The following CDCA5 variants were observed in gnomAD, a reference collection of about 807,000 sequenced individuals.
The protein encoded by CDCA5 is cell division cycle associated 5.
A neutral mutation model predicts 25.7 loss-of-function variants in CDCA5; 14 were observed. That is an observed-to-expected ratio of 0.54 (90% confidence interval 0.36 to 0.85). The LOEUF (loss-of-function observed/expected upper bound fraction) is 0.85. Among genes scored for constraint, CDCA5 ranks in the 40% least tolerant of loss-of-function variants. CDCA5 has a pLI of 0.01. For missense variants in CDCA5, 307 were observed against 324.5 expected, an observed-to-expected ratio of 0.95 and a Z score of 0.41; for synonymous variants, 127 against 128.7, an observed-to-expected ratio of 0.99 and a Z score of 0.09.
chr11:65,083,289 G>C (rs923985465), intron 4 of CDCA5, 75 bp downstream of exon 4: 1 of 1,556,606 alleles, frequency 6.4e-7, no homozygotes, highest in African/African-American at 1.4e-5. Context: ...GGGCAGATGT[G>C]AGGAGCCAAT....
At chr11:65,071,629 T>C (rs1215098215) in intron 1 of CDCA5, among the ~76,000 whole-genome samples, 1 of 152,190 alleles carries the variant, frequency 6.6e-6, no homozygotes, top group Non-Finnish European at 1.5e-5. Flanking sequence ...GTGTTGTTTA[T>C]CTAAGATTCA....
chr11:65,083,916 G>C lies in CDCA5; in HGVS notation c.46+17C>G. On this transcript the variant is annotated intron_variant, in intron 1 of 5. Transcript: ENST00000275517. Reference sequence around the variant, plus strand: ...CAAACGGCTCGACCTCACGTCTCCCGCGCGCCCTCCGCTCACCGGAGCGCT... The same window carrying C: ...CAAACGGCTCGACCTCACGTCTCCCCCGCGCCCTCCGCTCACCGGAGCGCT... 1 of 1,609,290 alleles carries C rather than the reference G, an allele frequency of 6.2e-7. No homozygotes were observed. The highest frequency in any genetic ancestry group is 8.5e-7 in the Non-Finnish European group (1 of 1,179,824).
At chr11:65,075,897 G>C (rs1348067841), downstream of CDCA5, among the ~76,000 whole-genome samples, 3 of 152,162 alleles carry the variant, frequency 2.0e-5, no homozygotes, top group Non-Finnish European at 4.4e-5. Context: ...GAAAAGCCAA[G>C]AAAAAGGAGC....
chr11:65,076,165 G>A (rs868068115), downstream of CDCA5, among the ~76,000 whole-genome samples: 10 of 152,186 alleles, frequency 6.6e-5, no homozygotes, highest in Admixed American at 3.9e-4. Context: ...GCCCAGACTG[G>A]AGTGCAATGG....
downstream of CDCA5, chr11:65,077,367 A>T (rs550035619): frequency 2.1e-5 from 15 of 717,618 alleles, 1 homozygote; most frequent in Middle Eastern, 7.1e-4. Flanking sequence ...CGCCTGGACA[A>T]AGGGACAACC....
At position 65,079,586 on chromosome 11, in the gene CDCA5, G is replaced by A. The variant is rs35748530; in HGVS notation, c.445C>T (p.Leu149=). 1 of 1,613,230 alleles carries A rather than the reference G, an allele frequency of 6.2e-7. No individual in the cohort carries two copies. Among genetic ancestry groups the A allele is most frequent in the East Asian group, 2.2e-5 (1 of 44,870 alleles). Residue 149 remains leucine (L), a synonymous_variant, in exon 5 of 6, where the codon CTG becomes TTG. Transcript: ENST00000275517. ...SKKVRRSYSR[L]ETLGSASTST... is the part of the protein sequence containing the mutation. ...GTAGAGGCAGAGCCCAGGGTCTCCAGCCGGCTGTAGGAACGCCTGACTTTC... is the reference window on the plus strand; with the variant it reads ...GTAGAGGCAGAGCCCAGGGTCTCCAACCGGCTGTAGGAACGCCTGACTTTC...
intron 5 of CDCA5, 51 bp downstream of exon 5, chr11:65,079,302 T>C: frequency 6.2e-7 from 1 of 1,613,600 alleles, no homozygotes; most frequent in Non-Finnish European, 8.5e-7. Context: ...GCCCCAGCCC[T>C]GCACGTCTCC....
chr11:65,081,888 G>A (rs1242123708), intron 4 of CDCA5, among the ~76,000 whole-genome samples: 1 of 151,856 alleles, frequency 6.6e-6, no homozygotes, highest in Non-Finnish European at 1.5e-5. Context: ...GCTGAGGAGG[G>A]AAGATCTGCA....
chr11:65,075,524 C>T (rs1210265107), downstream of CDCA5, among the ~76,000 whole-genome samples: 3 of 137,054 alleles, frequency 2.2e-5, no homozygotes, highest in Non-Finnish European at 4.6e-5. Context: ...CCACAGGAGG[C>T]TAGTGCAATT....
Position 65,078,583 on chromosome 11 carries a change from T to C in CDCA5, c.*524A>G. The C allele has an allele frequency of 1.0e-6, 1 of 985,954 alleles. No individual in the cohort carries two copies. Among genetic ancestry groups the C allele is most frequent in the Non-Finnish European group, 1.2e-6 (1 of 830,338 alleles). The allele number at this position is 985,954 out of a possible 1,614,324, so 61.1% of individuals were successfully genotyped here. A position where few individuals can be genotyped will look rare whatever the true frequency, so the allele number is the denominator to read the frequency against. On this transcript the variant is annotated 3_prime_UTR_variant, in exon 6 of 6. Transcript: ENST00000275517. The stretch of plus-strand genomic sequence containing the variant: ...AATTGCCCTCAGCCCACGAATTCTC[T>C]CTGGGACTATTTACAGAATCAAAGG...
chr11:65,064,318 T>TGAGG (rs1947211693), downstream of CDCA5, among the ~76,000 whole-genome samples: 1 of 148,708 alleles, frequency 6.7e-6, no homozygotes, highest in South Asian at 2.1e-4. Flanking sequence ...CTCGGGAGGC[T>TGAGG]GAGGCAGGAG....
chr11:65,071,750 C>T lies in CDCA5; in HGVS notation c.64-3149G>A, dbSNP rs182680625. The stretch of plus-strand genomic sequence containing the variant: ...GGAGGCATGAAAAGCTCCACGGTTA[C>T]CAGTTGGTACGTGAGGAGGATGAGC... On this transcript the variant is annotated intron_variant, in intron 1 of 6. Coordinates refer to the CDCA5 transcript ENST00000525464. 2.1e-3 allele frequency among the ~76,000 whole-genome samples: 318 copies of T among 152,314 alleles called. 1 individual carries two copies. The highest frequency in any genetic ancestry group is 3.2e-3 in the Non-Finnish European group (219 of 68,030).
At chr11:65,081,697 G>A (rs887520718) in intron 4 of CDCA5, among the ~76,000 whole-genome samples, 4 of 152,164 alleles carry the variant, frequency 2.6e-5, no homozygotes, top group Non-Finnish European at 5.9e-5. Flanking sequence ...CAGGCACAGT[G>A]GCTCATGCCT....
chr11:65,068,992 C>A (rs1381890365), intron 1 of CDCA5, among the ~76,000 whole-genome samples: 1 of 152,178 alleles, frequency 6.6e-6, no homozygotes, highest in African/African-American at 2.4e-5. Flanking sequence ...GTAATCCCAG[C>A]ACTTTTGGAG....
chr11:65,071,738 G>C (rs527795604), intron 1 of CDCA5, among the ~76,000 whole-genome samples: 12 of 152,340 alleles, frequency 7.9e-5, no homozygotes, highest in African/African-American at 2.9e-4. Context: ...GGCATGAAAA[G>C]CTCCACGGTT....
chr11:65,079,389 T>C lies in CDCA5; in HGVS notation c.642A>G (p.Lys214=). The change falls in exon 5 of 6, where the codon AAA becomes AAG. Residue 214 remains lysine, a synonymous_variant. Coordinates refer to ENST00000275517, the MANE Select transcript of CDCA5 (RefSeq NM_080668.4). ...GCATTTTCTTCTTCTTACGTTTCTG[T>C]TTCTCGGGTGGTGGGGAGATTCCAG... The part of the protein sequence containing the change: ...TLPGISPPPE[K]QKRKKKKMPE... 6.2e-7 allele frequency: 1 copy of C among 1,614,042 alleles called. No individual in the cohort carries two copies. The highest frequency in any genetic ancestry group is 2.2e-5 in the East Asian group (1 of 44,872).
At chr11:65,073,147 C>A (rs1947373897), downstream of CDCA5, among the ~76,000 whole-genome samples, 1 of 151,664 alleles carries the variant, frequency 6.6e-6, no homozygotes, top group Non-Finnish European at 1.5e-5. Flanking sequence ...GTTTCACCAT[C>A]TTGGCCAGGC....
chr11:65,074,796 T>C (rs186537500), downstream of CDCA5, among the ~76,000 whole-genome samples: 959 of 144,980 alleles, frequency 6.6e-3, 12 homozygotes, highest in African/African-American at 0.024. Context: ...GCATGGTGGC[T>C]CACACCTCTA....
At position 65,083,740 on chromosome 11, in the gene CDCA5, G is replaced by A. The variant is rs765767912; in HGVS notation, c.47-17C>T. On this transcript the variant is annotated splice_polypyrimidine_tract_variant and intron_variant, in intron 1 of 5. Coordinates refer to ENST00000275517, the MANE Select transcript of CDCA5 (RefSeq NM_080668.4). Reference sequence around the variant, plus strand: ...CCCTTGGCCCTGGAAAGAGAAAAAAGTTAAGTGGTAGAGGAGGACTCTAGA... The same window carrying A: ...CCCTTGGCCCTGGAAAGAGAAAAAAATTAAGTGGTAGAGGAGGACTCTAGA... The A allele has an allele frequency of 6.2e-7, 1 of 1,605,966 alleles. No individual in the cohort carries two copies. Among genetic ancestry groups the A allele is most frequent in the Non-Finnish European group, 8.5e-7 (1 of 1,176,542 alleles).
Sources: gnomAD v4.1 joint callset for allele counts (sites outside exome capture counted in the v4.1 genomes callset) on GRCh38, gnomAD v4.1.1 for gene constraint, MANE v1.5 for transcripts, NCBI Gene and HGNC (gene_info 2026-07-23, HGNC 2026-07-21) for gene names.